The following GULP1 variants were observed in gnomAD, a reference collection of about 807,000 sequenced individuals.
GULP1 encodes the protein PTB domain-containing engulfment adapter protein 1.
A neutral mutation model predicts 40.9 loss-of-function variants in GULP1; 19 were observed. That is an observed-to-expected ratio of 0.46 (90% CI 0.32 to 0.68). The LOEUF is 0.68. Among genes scored for constraint, GULP1 ranks in the 30% least tolerant of loss-of-function variants. The pLI is 0.03. For missense variants in GULP1, 312 were observed against 362.2 expected, an observed-to-expected ratio of 0.86 and a Z score of 1.12; for synonymous variants, 119 against 117.6, an observed-to-expected ratio of 1.01 and a Z score of -0.08.
At chr2:188,535,317 AGTTT>A (rs1029281546) in intron 6 of GULP1, among the ~76,000 whole-genome samples, 4 of 152,034 alleles carry the variant, frequency 2.6e-5, no homozygotes, top group Non-Finnish European at 5.9e-5. Flanking sequence ...CCCAATAGTT[AGTTT>A]TTCAATCCTT....
intron 3 of GULP1, among the ~76,000 whole-genome samples, chr2:188,481,342 AT>A (rs935537425): frequency 1.3e-5 from 2 of 151,816 alleles, no homozygotes; most frequent in Non-Finnish European, 2.9e-5. Context: ...TTATTTTGTC[AT>A]TTTTTTGCCA....
chr2:188,425,291 A>G (rs1348306412), intron 2 of GULP1, among the ~76,000 whole-genome samples: 1 of 152,098 alleles, frequency 6.6e-6, no homozygotes, highest in African/African-American at 2.4e-5. Flanking sequence ...TGTTGTTATG[A>G]GCTTATGGAT....
In GULP1 at chr2:188,529,202, C is replaced by A; in HGVS notation, c.261+7C>A. The A allele has an allele frequency of 1.6e-6, 2 of 1,223,774 alleles. No homozygotes were observed. The highest frequency in any genetic ancestry group is 2.3e-6 in the Non-Finnish European group (2 of 858,606). The allele number at this position is 1,223,774 out of a possible 1,614,324, so 75.8% of individuals were successfully genotyped here. A position where few individuals can be genotyped will look rare whatever the true frequency, so the allele number is the denominator to read the frequency against. Reference sequence around the variant, plus strand: ...TCTAGAACCCAAAACAAAGGTAAGGCTTTTTTTTTAATGTTAGAGGCAATC... The same window carrying A: ...TCTAGAACCCAAAACAAAGGTAAGGATTTTTTTTTAATGTTAGAGGCAATC... On this transcript the variant is annotated splice_region_variant and intron_variant, in intron 6 of 11. Coordinates refer to ENST00000409830, the MANE Select transcript of GULP1 (RefSeq NM_016315.4).
intron 2 of GULP1, among the ~76,000 whole-genome samples, chr2:188,470,307 G>C (rs1402590728): frequency 6.6e-6 from 1 of 152,008 alleles, no homozygotes; most frequent in African/African-American, 2.4e-5. Context: ...CTAGGAATTT[G>C]TCCATTTATT....
At chr2:188,579,390 A>T (rs1700814471) in intron 9 of GULP1, among the ~76,000 whole-genome samples, 1 of 151,892 alleles carries the variant, frequency 6.6e-6, no homozygotes. Context: ...ATTTATTTTT[A>T]ATTTAAAAAT....
At chr2:188,412,640 G>A (rs1258792255) in intron 2 of GULP1, among the ~76,000 whole-genome samples, 1 of 152,084 alleles carries the variant, frequency 6.6e-6, no homozygotes, top group African/African-American at 2.4e-5. Context: ...AGTGGTATTG[G>A]GCATCTTTTA....
At chr2:188,564,560 AG>A (rs1286865351) in intron 7 of GULP1, among the ~76,000 whole-genome samples, 1 of 151,910 alleles carries the variant, frequency 6.6e-6, no homozygotes, top group Non-Finnish European at 1.5e-5. Context: ...TATTGATGTA[AG>A]TAAAAAAGAC....
intron 2 of GULP1, among the ~76,000 whole-genome samples, chr2:188,437,021 A>G (rs1386770831): frequency 6.6e-6 from 1 of 152,060 alleles, no homozygotes; most frequent in African/African-American, 2.4e-5. Context: ...ATCTTCTTTT[A>G]TTAGCTTTAC....
chr2:188,373,470 A>G (rs943441343), intron 1 of GULP1, among the ~76,000 whole-genome samples: 1 of 151,992 alleles, frequency 6.6e-6, no homozygotes, highest in Non-Finnish European at 1.5e-5. Flanking sequence ...CATCTGATAT[A>G]TCTTAAGTTT....
chr2:188,530,239 T>C (rs1013468346), intron 6 of GULP1, among the ~76,000 whole-genome samples: 1 of 152,168 alleles, frequency 6.6e-6, no homozygotes, highest in Non-Finnish European at 1.5e-5. Flanking sequence ...AATTTAGCAC[T>C]CCAACCACAG....
At chr2:188,476,806 C>G (rs552826491) in intron 2 of GULP1, among the ~76,000 whole-genome samples, 70 of 152,094 alleles carry the variant, frequency 4.6e-4, no homozygotes, top group African/African-American at 1.5e-3. Flanking sequence ...CAATGCAGTA[C>G]CAATAAATAT....
chr2:188,569,363 A>T lies in GULP1; in HGVS notation c.516+8A>T, dbSNP rs373423846. The T allele has an allele frequency of 7.9e-7, 1 of 1,267,972 alleles. No homozygotes were observed. Among genetic ancestry groups the T allele is most frequent in the African/African-American group, 1.5e-5 (1 of 68,234 alleles). 78.5% of individuals were successfully genotyped at this position (1,267,972 alleles called of 1,614,324 possible). ...GCAGGGTTACAAAAAAGAGTGAGTA[A>T]ACTAAGCTTGTTGTTTTACATTTGT... is the stretch of plus-strand genomic sequence containing the variant. On this transcript the variant is annotated splice_region_variant and intron_variant, in intron 8 of 11. Coordinates refer to ENST00000409830, the MANE Select transcript of GULP1 (RefSeq NM_016315.4).
chr2:188,348,152 TATA>T (rs1166115179), intron 1 of GULP1, among the ~76,000 whole-genome samples: 1 of 152,230 alleles, frequency 6.6e-6, no homozygotes, highest in Non-Finnish European at 1.5e-5. Flanking sequence ...AAATATTTAT[TATA>T]ATGAGACTTA....
chr2:188,339,287 G>T (rs1171948926), intron 1 of GULP1, among the ~76,000 whole-genome samples: 2 of 152,156 alleles, frequency 1.3e-5, no homozygotes, highest in East Asian at 1.9e-4. Flanking sequence ...ATTTAGGCTT[G>T]GCTTTGCTTG....
At chr2:188,469,866 C>T (rs2060445305) in intron 2 of GULP1, among the ~76,000 whole-genome samples, 1 of 151,966 alleles carries the variant, frequency 6.6e-6, no homozygotes, top group African/African-American at 2.4e-5. Context: ...GATTGATTTG[C>T]CTATGTTGAA....
intron 2 of GULP1, among the ~76,000 whole-genome samples, chr2:188,431,118 T>A (rs928212053): frequency 1.3e-5 from 2 of 152,204 alleles, no homozygotes; most frequent in Non-Finnish European, 2.9e-5. Flanking sequence ...GTCTGTCTTT[T>A]TTGAGCTTTT....
intron 4 of GULP1, among the ~76,000 whole-genome samples, chr2:188,499,987 T>C (rs1327891306): frequency 6.6e-6 from 1 of 151,848 alleles, no homozygotes; most frequent in Admixed American, 6.6e-5. Flanking sequence ...TTAGTTCTTT[T>C]CTGCACTATC....
At chr2:188,425,601 A>G (rs2056085440) in intron 2 of GULP1, among the ~76,000 whole-genome samples, 1 of 152,174 alleles carries the variant, frequency 6.6e-6, no homozygotes, top group Non-Finnish European at 1.5e-5. Flanking sequence ...TTTATCTTAC[A>G]TTTATATCTC....
At chr2:188,477,321 A>G (rs535696930) in intron 2 of GULP1, among the ~76,000 whole-genome samples, 1 of 152,266 alleles carries the variant, frequency 6.6e-6, no homozygotes, top group South Asian at 2.1e-4. Context: ...TAAAGTGTTT[A>G]TATACACACC....
Sources: allele counts gnomAD v4.1 joint callset (sites outside exome capture counted in the v4.1 genomes callset), GRCh38; gene constraint gnomAD v4.1.1; transcripts MANE v1.5; gene names NCBI Gene and HGNC (gene_info 2026-07-23, HGNC 2026-07-21).